PSD3: variants seen among roughly 807,000 people sequenced by gnomAD.
PSD3 encodes PH and SEC7 domain-containing protein 3.
In PSD3, 49 loss-of-function variants were observed where a neutral mutation model predicts 105.5. That is an observed-to-expected ratio of 0.46 (90% CI 0.37 to 0.59). The LOEUF is 0.59. Ranked by LOEUF, PSD3 falls within the 20% of genes least tolerant of loss-of-function variation. The pLI is 0.00. For synonymous variants in PSD3, 557 were observed against 457.8 expected (o/e 1.22, Z -2.77); for missense variants, 1,561 against 1,263.8 (o/e 1.24, Z -3.57).
chr8:19,036,220 G>T (rs1478150080), intron 1 of PSD3, among the ~76,000 whole-genome samples: 1 of 152,138 alleles, frequency 6.6e-6, no homozygotes, highest in Non-Finnish European at 1.5e-5. Flanking sequence ...TCAAGGAGTT[G>T]CTTGTGGAGA....
chr8:18,823,573 T>C (rs1586137988), intron 4 of PSD3, among the ~76,000 whole-genome samples: 2 of 152,266 alleles, frequency 1.3e-5, no homozygotes, highest in Middle Eastern at 3.4e-3. Context: ...TTCTGCAATG[T>C]CACCAGCTGC....
At chr8:19,025,647 G>GTAT (rs1469995523) in intron 1 of PSD3, among the ~76,000 whole-genome samples, 1 of 152,172 alleles carries the variant, frequency 6.6e-6, no homozygotes, top group Non-Finnish European at 1.5e-5. Context: ...TTGGTCAGAA[G>GTAT]TACTGGTGGC....
Position 18,674,235 on chromosome 8 carries a change from T to C in PSD3, c.2173-18550A>G, listed in dbSNP as rs146395632. Among the ~76,000 whole-genome samples the C allele has an allele frequency of 2.4e-3, 366 of 152,234 alleles. 2 individuals carry two copies. The highest frequency in any genetic ancestry group is 8.2e-3 in the African/African-American group (340 of 41,544). On this transcript the variant is annotated intron_variant, in intron 9 of 15. Coordinates refer to ENST00000327040, the MANE Select transcript of PSD3 (RefSeq NM_015310.4). ...AGGTCGACTTACTAATTTTAGAGGCTTTAAAGGGCTGTCCTCGTTCGACTC... is the reference window on the plus strand; with the variant it reads ...AGGTCGACTTACTAATTTTAGAGGCCTTAAAGGGCTGTCCTCGTTCGACTC...
At chr8:18,771,254 C>T (rs1465648381) in intron 8 of PSD3, among the ~76,000 whole-genome samples, 1 of 152,130 alleles carries the variant, frequency 6.6e-6, no homozygotes. Flanking sequence ...GCCACCGCAT[C>T]AGGCTTTTCA....
chr8:18,803,211 T>G, intron 6 of PSD3: 1 of 178,516 alleles, frequency 5.6e-6, no homozygotes, highest in Non-Finnish European at 1.1e-5. Context: ...TGCTTGAACC[T>G]GGGAGGTGGA....
intron 1 of PSD3, among the ~76,000 whole-genome samples, chr8:18,942,953 T>C (rs144699247): frequency 1.1e-4 from 16 of 152,286 alleles, no homozygotes; most frequent in African/African-American, 3.9e-4. Context: ...TGAGAAGGTA[T>C]ATCCTTGCAC....
chr8:18,801,632 C>G lies in PSD3; in HGVS notation c.1911-250G>C, dbSNP rs186710332. ...TTCACTTGAGGTCAGGGGTTCAAAACCAGCCTGGCCAACATGGCGAAACCC... is the reference window on the plus strand; with the variant it reads ...TTCACTTGAGGTCAGGGGTTCAAAAGCAGCCTGGCCAACATGGCGAAACCC... On this transcript the variant is annotated intron_variant, in intron 6 of 15. Coordinates refer to ENST00000327040, the MANE Select transcript of PSD3 (RefSeq NM_015310.4). Among the ~76,000 whole-genome samples, 521 of 152,216 alleles carry G rather than the reference C, an allele frequency of 3.4e-3. 11 individuals carry two copies. Among genetic ancestry groups the G allele is most frequent in the Admixed American group, 0.032 (488 of 15,278 alleles).
intron 15 of PSD3, 113 bp downstream of exon 15, chr8:18,556,096 C>A: frequency 7.7e-7 from 1 of 1,299,292 alleles, no homozygotes; most frequent in East Asian, 2.5e-5. Context: ...CAAATTAGAG[C>A]CAGGGGCAAG....
intron 9 of PSD3, among the ~76,000 whole-genome samples, chr8:18,668,052 G>A (rs1799581433): frequency 6.6e-6 from 1 of 152,146 alleles, no homozygotes; most frequent in South Asian, 2.1e-4. Context: ...CCGGGTTCCC[G>A]CCCAGGCCTC....
chr8:18,968,875 T>C (rs533598854), intron 1 of PSD3, among the ~76,000 whole-genome samples: 1,657 of 28,174 alleles, frequency 0.059, 53 homozygotes, highest in African/African-American at 0.16. Flanking sequence ...AAAAAAAATG[T>C]CTCCAAAAAA....
intron 15 of PSD3, among the ~76,000 whole-genome samples, chr8:18,555,464 G>A (rs976547634): frequency 1.3e-5 from 2 of 151,988 alleles, no homozygotes; most frequent in African/African-American, 2.4e-5. Flanking sequence ...CAAATTAGTC[G>A]ATAATTAATT....
In PSD3 at chr8:18,555,202, G is replaced by T. The variant is rs115352443; in HGVS notation, c.2928+1007C>A. Among the ~76,000 whole-genome samples the T allele has an allele frequency of 2.6e-3, 396 of 152,192 alleles. 1 individual carries two copies. The highest frequency in any genetic ancestry group is 8.9e-3 in the African/African-American group (369 of 41,512). On this transcript the variant is annotated intron_variant, in intron 15 of 15. Coordinates refer to ENST00000327040, the MANE Select transcript of PSD3 (RefSeq NM_015310.4). ...AGCGGAGTGAGAGGAGAAAGCCAGGGCTCAGCAGAGGAAGTAGTTATAAAG... is the reference window on the plus strand; with the variant it reads ...AGCGGAGTGAGAGGAGAAAGCCAGGTCTCAGCAGAGGAAGTAGTTATAAAG...
intron 8 of PSD3, among the ~76,000 whole-genome samples, chr8:18,770,937 T>C (rs561984797): frequency 1.3e-5 from 2 of 152,280 alleles, no homozygotes; most frequent in African/African-American, 2.4e-5. Flanking sequence ...TTATTGCCGA[T>C]GGAAGTGGCT....
chr8:18,639,682 C>T (rs1389518092), intron 10 of PSD3, among the ~76,000 whole-genome samples: 1 of 152,138 alleles, frequency 6.6e-6, no homozygotes, highest in East Asian at 1.9e-4. Flanking sequence ...CAGGAGGAAA[C>T]AACCCTATTT....
At chr8:19,081,649 A>G (rs563572357) in intron 1 of PSD3, among the ~76,000 whole-genome samples, 3 of 152,384 alleles carry the variant, frequency 2.0e-5, no homozygotes, top group East Asian at 1.9e-4. Flanking sequence ...AAGCCTGGTC[A>G]TAGAACAAAC....
chr8:18,868,070 C>A lies in PSD3; in HGVS notation c.1239-1G>T. 6.3e-7 allele frequency: 1 copy of A among 1,593,456 alleles called. No individual in the cohort carries two copies. Among genetic ancestry groups the A allele is most frequent in the Non-Finnish European group, 8.5e-7 (1 of 1,170,812 alleles). On this transcript the variant is annotated splice_acceptor_variant, in intron 3 of 15. Coordinates refer to ENST00000327040, the MANE Select transcript of PSD3 (RefSeq NM_015310.4). LOFTEE classifies it high-confidence loss of function. Reference sequence around the variant, plus strand: ...AACGTGCTCCTCTTGTTCGCTGATCCTGGAAAGTAAATAAGAGTGAAGAAT... The same window carrying A: ...AACGTGCTCCTCTTGTTCGCTGATCATGGAAAGTAAATAAGAGTGAAGAAT...
chr8:18,767,411 T>C (rs1365763219), intron 8 of PSD3, among the ~76,000 whole-genome samples: 2 of 152,140 alleles, frequency 1.3e-5, no homozygotes, highest in African/African-American at 4.8e-5. Context: ...GTATCATCTC[T>C]AGCAAAATGT....
chr8:18,752,550 A>ATGTAAT (rs1563225310), intron 9 of PSD3, among the ~76,000 whole-genome samples: 2 of 11,350 alleles, frequency 1.8e-4, no homozygotes, highest in East Asian at 1.8e-3. Context: ...TATATATTAT[A>ATGTAAT]TATAATTATA....
In PSD3 at chr8:18,781,553, G is replaced by A. The variant is rs191464065; in HGVS notation, c.2083-16015C>T. Among the ~76,000 whole-genome samples the A allele has an allele frequency of 1.7e-4, 26 of 152,302 alleles. No homozygotes were observed. In the East Asian group the frequency reaches 4.4e-3, roughly 26 times the overall value. ...TTCCACCGTGGAACATGGCCTGGAA[G>A]GTTTCTGCTAAGAAATTTGCTATTA... On this transcript the variant is annotated intron_variant, in intron 8 of 15. Coordinates refer to ENST00000327040, the MANE Select transcript of PSD3 (RefSeq NM_015310.4).
Sources: allele counts gnomAD v4.1 joint callset (sites outside exome capture counted in the v4.1 genomes callset), GRCh38; gene constraint gnomAD v4.1.1; transcripts MANE v1.5; gene names NCBI Gene and HGNC (gene_info 2026-07-23, HGNC 2026-07-21).